Variants in PCSK2 observed in about 807,000 individuals in gnomAD.
PCSK2 encodes proprotein convertase subtilisin/kexin type 2.
PCSK2 carries 14 observed loss-of-function variants against 69.7 expected under a neutral mutation model. The ratio of observed to expected loss-of-function variants is 0.20; its 90% CI spans 0.13 to 0.31. The LOEUF (loss-of-function observed/expected upper bound fraction) is 0.31, where lower values mean the gene tolerates loss of function less well. Ranked by LOEUF, PCSK2 falls within the 10% of genes least tolerant of loss-of-function variation. PCSK2 has a pLI of 1.00. For missense variants in PCSK2, 544 were observed against 842.5 expected (o/e 0.65, Z 4.39); for synonymous variants, 307 against 320.7 (o/e 0.96, Z 0.46).
chr20:17,477,423 G>T (rs1455034109), intron 11 of PCSK2, among the ~76,000 whole-genome samples: 3 of 151,856 alleles, frequency 2.0e-5, no homozygotes, highest in Non-Finnish European at 4.4e-5. Context: ...CACGAGGTAT[G>T]AATATTTTTT....
At chr20:17,441,057 C>T (rs929821970) in intron 8 of PCSK2, among the ~76,000 whole-genome samples, 3 of 152,090 alleles carry the variant, frequency 2.0e-5, no homozygotes, top group Non-Finnish European at 4.4e-5. Flanking sequence ...TTTGCTTCTC[C>T]CCGGTTTCGT....
In PCSK2 at chr20:17,366,618, C is replaced by G. The variant is rs184555718; in HGVS notation, c.506-2622C>G. 1.7e-3 allele frequency among the ~76,000 whole-genome samples: 266 copies of G among 152,296 alleles called. 2 individuals carry two copies. The highest frequency in any genetic ancestry group is 2.3e-3 in the Non-Finnish European group (154 of 68,034). On this transcript the variant is annotated intron_variant, in intron 4 of 11. Coordinates refer to ENST00000262545, the MANE Select transcript of PCSK2 (RefSeq NM_002594.5). ...CCACCTTAAAAGATAATCAAATATA[C>G]AAAAATATAAAAGTACTATCTAGTT...
intron 1 of PCSK2, among the ~76,000 whole-genome samples, chr20:17,247,403 G>A (rs185114178): frequency 1.5e-3 from 233 of 152,222 alleles, no homozygotes; most frequent in Middle Eastern, 6.8e-3. Flanking sequence ...TGATTGTTTC[G>A]TCTGCCAGTT....
At chr20:17,311,652 G>A (rs1432389792) in intron 2 of PCSK2, among the ~76,000 whole-genome samples, 1 of 152,166 alleles carries the variant, frequency 6.6e-6, no homozygotes, top group Non-Finnish European at 1.5e-5. Flanking sequence ...ATTATGGATA[G>A]ATCAGGGCTG....
chr20:17,427,115 A>G (rs950374074), intron 6 of PCSK2, among the ~76,000 whole-genome samples: 1 of 152,198 alleles, frequency 6.6e-6, no homozygotes, highest in Admixed American at 6.5e-5. Context: ...CAGTTTTCTC[A>G]TCTTTAAAAT....
At chr20:17,442,475 C>T (rs944843720) in intron 8 of PCSK2, among the ~76,000 whole-genome samples, 1 of 152,090 alleles carries the variant, frequency 6.6e-6, no homozygotes, top group Non-Finnish European at 1.5e-5. Flanking sequence ...GCGGGAATGA[C>T]CTGCTCACTG....
Position 17,375,322 on chromosome 20 carries a change from G to A in PCSK2, c.543+6045G>A, listed in dbSNP as rs560844793. Among the ~76,000 whole-genome samples the A allele has an allele frequency of 6.1e-4, 93 of 152,212 alleles. 2 individuals carry two copies. Among genetic ancestry groups the A allele is most frequent in the Admixed American group, 4.6e-3 (71 of 15,294 alleles). On this transcript the variant is annotated intron_variant, in intron 5 of 11. Coordinates refer to ENST00000262545, the MANE Select transcript of PCSK2 (RefSeq NM_002594.5). ...ATCCAGGCTAAGTATAAGATTGTGA[G>A]GGTTGCAAAGTTAAGGGCAAAAATC...
intron 2 of PCSK2, among the ~76,000 whole-genome samples, chr20:17,356,847 C>A (rs1020984582): frequency 6.6e-6 from 1 of 152,000 alleles, no homozygotes; most frequent in Non-Finnish European, 1.5e-5. Flanking sequence ...CTTCACCTTC[C>A]CAAGATTCAA....
intron 8 of PCSK2, among the ~76,000 whole-genome samples, chr20:17,441,663 T>C (rs2032598457): frequency 6.6e-6 from 1 of 151,942 alleles, no homozygotes; most frequent in African/African-American, 2.4e-5. Context: ...AAACTCCCCT[T>C]TTTAAAACCA....
intron 1 of PCSK2, among the ~76,000 whole-genome samples, chr20:17,241,313 G>A (rs556219274): frequency 3.3e-5 from 5 of 152,324 alleles, no homozygotes; most frequent in Middle Eastern, 3.4e-3. Context: ...TAGATGACAA[G>A]AGACTGGGAG....
At chr20:17,303,522 A>AT (rs1568593827) in intron 2 of PCSK2, among the ~76,000 whole-genome samples, 106 of 26,456 alleles carry the variant, frequency 4.0e-3, no homozygotes, top group Admixed American at 9.8e-3. Flanking sequence ...ATATAATATA[A>AT]TATATATTAT....
At chr20:17,355,747 TG>T (rs1168292529) in intron 2 of PCSK2, among the ~76,000 whole-genome samples, 1 of 152,004 alleles carries the variant, frequency 6.6e-6, no homozygotes, top group African/African-American at 2.4e-5. Context: ...GGCCCCCAGC[TG>T]CTGCACTCTG....
At chr20:17,443,694 C>A (rs2269015) in intron 8 of PCSK2, among the ~76,000 whole-genome samples, 17 of 152,090 alleles carry the variant, frequency 1.1e-4, no homozygotes, top group Admixed American at 9.2e-4. Flanking sequence ...TCATTTTCCA[C>A]GGACTTCTGC....
At chr20:17,314,122 G>T (rs930542767) in intron 2 of PCSK2, among the ~76,000 whole-genome samples, 1 of 152,032 alleles carries the variant, frequency 6.6e-6, no homozygotes, top group Non-Finnish European at 1.5e-5. Flanking sequence ...TAACAAATAG[G>T]CAGGCAACCA....
intron 2 of PCSK2, among the ~76,000 whole-genome samples, chr20:17,294,189 C>G (rs1221184562): frequency 3.4e-5 from 5 of 147,454 alleles, no homozygotes; most frequent in Middle Eastern, 3.6e-3. Flanking sequence ...ACTGCAAGCT[C>G]CGCCTCCCGG....
intron 2 of PCSK2, among the ~76,000 whole-genome samples, chr20:17,349,584 C>G (rs2029910460): frequency 6.6e-6 from 1 of 151,576 alleles, no homozygotes; most frequent in South Asian, 2.1e-4. Flanking sequence ...ATCTTCAGCC[C>G]TAATCCTGTG....
chr20:17,453,730 T>C lies in PCSK2; in HGVS notation c.886-12T>C, dbSNP rs781059129. On this transcript the variant is annotated splice_polypyrimidine_tract_variant and intron_variant, in intron 8 of 11. Coordinates refer to ENST00000262545, the MANE Select transcript of PCSK2 (RefSeq NM_002594.5). This position sits in a 1 kb window ranked among gnomAD's most constrained non-coding sequence, Gnocchi z 4.0. ...CTGTGGGTAGCGGCAGCGTCTCCCC[T>C]GCTCTCCCCAGGGCCGCGGCGGCAA... 6 of 1,611,834 alleles carry C rather than the reference T, an allele frequency of 3.7e-6. No individual in the cohort carries two copies. The highest frequency in any genetic ancestry group is 4.2e-6 in the Non-Finnish European group (5 of 1,179,752).
intron 1 of PCSK2, among the ~76,000 whole-genome samples, chr20:17,254,282 T>G (rs1270320165): frequency 6.6e-6 from 1 of 152,228 alleles, no homozygotes; most frequent in South Asian, 2.1e-4. Context: ...CCTAAAGCCA[T>G]GAAGATTTAT....
At chr20:17,308,677 G>A (rs892916921) in intron 2 of PCSK2, among the ~76,000 whole-genome samples, 7 of 152,178 alleles carry the variant, frequency 4.6e-5, no homozygotes, top group African/African-American at 1.7e-4. Flanking sequence ...TTTAAACCGA[G>A]TTCAGCTAGG....
Sources: allele counts gnomAD v4.1 joint callset (sites outside exome capture counted in the v4.1 genomes callset), GRCh38; gene constraint gnomAD v4.1.1; non-coding constraint Gnocchi (gnomAD v3.1); transcripts MANE v1.5; gene names NCBI Gene and HGNC (gene_info 2026-07-23, HGNC 2026-07-21).